The following RNF144A variants were observed in gnomAD, a reference collection of about 807,000 sequenced individuals.
The protein encoded by RNF144A is ring finger protein 144A.
Under a neutral mutation model 38.7 loss-of-function variants are expected in RNF144A, and 11 were observed. That is an observed-to-expected ratio of 0.28 (90% CI 0.18 to 0.47). The LOEUF is 0.47. Ranked by LOEUF, RNF144A falls within the 20% of genes least tolerant of loss-of-function variation. RNF144A has a pLI of 0.99. For missense variants in RNF144A, 316 were observed against 377.2 expected, an observed-to-expected ratio of 0.84 and a Z score of 1.34; for synonymous variants, 149 against 143.9, an observed-to-expected ratio of 1.04 and a Z score of -0.25.
In RNF144A at chr2:6,930,350, C is replaced by A. The variant is rs114484563; in HGVS notation, c.-211-10598C>A. Among the ~76,000 whole-genome samples, 1,461 of 152,098 alleles carry A rather than the reference C, an allele frequency of 9.6e-3. 19 individuals carry two copies. The highest frequency in any genetic ancestry group is 0.033 in the African/African-American group (1,378 of 41,492). On this transcript the variant is annotated intron_variant, in intron 1 of 8. Coordinates refer to ENST00000320892, the MANE Select transcript of RNF144A (RefSeq NM_014746.6). Reference sequence around the variant, plus strand: ...GAATCAGAACTCATAAGGATTGTGACAGTTTTTCTATTTTTTTATTTTTCA... The same window carrying A: ...GAATCAGAACTCATAAGGATTGTGAAAGTTTTTCTATTTTTTTATTTTTCA...
chr2:7,022,376 C>T (rs1671591765), intron 6 of RNF144A, among the ~76,000 whole-genome samples: 1 of 152,086 alleles, frequency 6.6e-6, no homozygotes, highest in Non-Finnish European at 1.5e-5. Context: ...GTCCAAACTC[C>T]TCTCTGCTTT....
Position 7,041,444 on chromosome 2 carries a change from A to G in RNF144A, c.*1684A>G, listed in dbSNP as rs1673035753. The G allele has an allele frequency of 1.0e-6, 1 of 985,908 alleles. No individual in the cohort carries two copies. Among genetic ancestry groups the G allele is most frequent in the Non-Finnish European group, 1.2e-6 (1 of 829,938 alleles). The allele number at this position is 985,908 out of a possible 1,614,324, so 61.1% of individuals were successfully genotyped here. ...GAAAATCCCTGTGTGTCAAAATTAC[A>G]TTCAAAAAGCTCTCCTTGTAATTGC... On this transcript the variant is annotated 3_prime_UTR_variant, in exon 9 of 9. Coordinates refer to ENST00000320892, the MANE Select transcript of RNF144A (RefSeq NM_014746.6).
chr2:7,001,442 C>T (rs1409528849), intron 3 of RNF144A, among the ~76,000 whole-genome samples: 5 of 151,928 alleles, frequency 3.3e-5, no homozygotes, highest in African/African-American at 9.7e-5. Context: ...TTTGGGAGGC[C>T]GAGGTGGGAG....
chr2:6,955,416 A>G (rs1451847251), intron 2 of RNF144A, among the ~76,000 whole-genome samples: 1 of 152,098 alleles, frequency 6.6e-6, no homozygotes, highest in Non-Finnish European at 1.5e-5. Flanking sequence ...TAAGGCCTTC[A>G]TATTACAGAG....
intron 3 of RNF144A, among the ~76,000 whole-genome samples, chr2:7,013,275 G>A (rs926607151): frequency 8.5e-5 from 13 of 152,186 alleles, no homozygotes; most frequent in Non-Finnish European, 2.9e-5. Context: ...AATAAGGATG[G>A]TAGAGAGAGA....
intron 3 of RNF144A, among the ~76,000 whole-genome samples, chr2:7,011,413 A>G (rs438627): frequency 0.6 from 90,643 of 152,126 alleles, 27,651 homozygotes; most frequent in Non-Finnish European, 0.65. Context: ...AAAAATGTAC[A>G]ACAGACAAAC....
In RNF144A at chr2:6,917,965, C is replaced by G. The variant is rs1353499212; in HGVS notation, c.-212+343C>G. Among the ~76,000 whole-genome samples the G allele has an allele frequency of 6.6e-6, 1 of 151,580 alleles. No individual in the cohort carries two copies. Among genetic ancestry groups the G allele is most frequent in the East Asian group, 2.0e-4 (1 of 5,110 alleles). ...TCCCCCTGCCTGCCCTGCGCGGTCG[C>G]GGGTCTGCGCTGCGGCGCGGGACAG... On this transcript the variant is annotated intron_variant, in intron 1 of 8. Coordinates refer to ENST00000320892, the MANE Select transcript of RNF144A (RefSeq NM_014746.6). The surrounding 1 kb of genome is among the most constrained non-coding windows in gnomAD (Gnocchi z 4.8).
intron 2 of RNF144A, among the ~76,000 whole-genome samples, chr2:6,951,775 G>T (rs1186086220): frequency 2.0e-5 from 3 of 151,982 alleles, no homozygotes; most frequent in African/African-American, 7.2e-5. Flanking sequence ...TATTGATCTT[G>T]CATCTAGTCA....
chr2:6,997,186 G>A (rs378548), intron 3 of RNF144A, 125 bp downstream of exon 3: 256,603 of 840,558 alleles, frequency 0.31, 42,103 homozygotes, highest in Non-Finnish European at 0.35. Context: ...TTCTTGTTGA[G>A]GCCTTCACAC....
intron 8 of RNF144A, among the ~76,000 whole-genome samples, chr2:7,033,988 G>A (rs1438694873): frequency 1.3e-5 from 2 of 152,200 alleles, no homozygotes; most frequent in East Asian, 3.9e-4. Flanking sequence ...GGGCCGGGCA[G>A]GGAGCAAAGG....
At chr2:7,007,129 C>T (rs1013560811) in intron 3 of RNF144A, among the ~76,000 whole-genome samples, 6 of 152,152 alleles carry the variant, frequency 3.9e-5, no homozygotes, top group African/African-American at 1.4e-4. Context: ...CCCCAAAACC[C>T]TCCTCAGTGC....
rs1274970798 is a variant in RNF144A at position 7,039,819 on chromosome 2, C to T, written c.*59C>T. 4 of 1,592,628 alleles carry T rather than the reference C, an allele frequency of 2.5e-6. No individual in the cohort carries two copies. Among genetic ancestry groups the T allele is most frequent in the Non-Finnish European group, 3.4e-6 (4 of 1,167,972 alleles). ...CGGGAAGTGTGGCTCTCCCCCAACC[C>T]TCCCCACCGTCCCCCCTTCACTAAA... On this transcript the variant is annotated 3_prime_UTR_variant, in exon 9 of 9. Coordinates refer to ENST00000320892, the MANE Select transcript of RNF144A (RefSeq NM_014746.6).
At chr2:6,983,235 A>C (rs1558404251) in intron 2 of RNF144A, among the ~76,000 whole-genome samples, 1 of 152,152 alleles carries the variant, frequency 6.6e-6, no homozygotes, top group Non-Finnish European at 1.5e-5. Flanking sequence ...AAGTGGTAGA[A>C]GGGGAATTTA....
At chr2:6,928,653 A>G (rs906929234) in intron 1 of RNF144A, among the ~76,000 whole-genome samples, 1 of 152,128 alleles carries the variant, frequency 6.6e-6, no homozygotes. Context: ...GCGACTGCGC[A>G]TTCCTCATTT....
chr2:7,017,170 G>A (rs1019152496), intron 5 of RNF144A, among the ~76,000 whole-genome samples: 10 of 152,262 alleles, frequency 6.6e-5, no homozygotes, highest in African/African-American at 2.2e-4. Flanking sequence ...TGCTAAGGGC[G>A]TTGCTGTGCA....
At chr2:6,931,186 G>A (rs1382074174) in intron 1 of RNF144A, among the ~76,000 whole-genome samples, 1 of 152,214 alleles carries the variant, frequency 6.6e-6, no homozygotes, top group Non-Finnish European at 1.5e-5. Context: ...GAGAAGGCAA[G>A]ACTGTGGGGA....
chr2:6,985,954 G>A (rs150113143), intron 2 of RNF144A, among the ~76,000 whole-genome samples: 1,746 of 152,298 alleles, frequency 0.011, 35 homozygotes, highest in African/African-American at 0.04. Flanking sequence ...GATTACAGGC[G>A]TGAGCCACTG....
downstream of RNF144A, among the ~76,000 whole-genome samples, chr2:7,072,995 C>T (rs2103487149): frequency 6.6e-6 from 1 of 152,312 alleles, no homozygotes; most frequent in African/African-American, 2.4e-5. Context: ...CCTTGAACTT[C>T]ACTCTGTCCC....
chr2:7,062,081 G>A (rs986324375), intron 6 of RNF144A, among the ~76,000 whole-genome samples: 3 of 152,166 alleles, frequency 2.0e-5, no homozygotes, highest in Non-Finnish European at 2.9e-5. Flanking sequence ...TGACCAGCTC[G>A]GGGTGGGCTG....
Sources: allele counts gnomAD v4.1 joint callset (sites outside exome capture counted in the v4.1 genomes callset), GRCh38; gene constraint gnomAD v4.1.1; non-coding constraint Gnocchi (gnomAD v3.1); transcripts MANE v1.5; gene names NCBI Gene and HGNC (gene_info 2026-07-23, HGNC 2026-07-21).